The following MANBA variants were observed in gnomAD, a reference collection of about 807,000 sequenced individuals.
The protein encoded by MANBA is beta-mannosidase.
Under a neutral mutation model 111.1 loss-of-function variants are expected in MANBA, and 83 were observed. The observed-to-expected ratio is 0.75, with a 90% CI of 0.63 to 0.90. The LOEUF is 0.90. Ranked by LOEUF, MANBA falls within the 40% of genes least tolerant of loss-of-function variation. The pLI is 0.00. For synonymous variants in MANBA, 370 were observed against 378.7 expected, an observed-to-expected ratio of 0.98 and a Z score of 0.27; for missense variants, 1,036 against 1,069.0, an observed-to-expected ratio of 0.97 and a Z score of 0.43.
intron 7 of MANBA, among the ~76,000 whole-genome samples, chr4:102,680,375 A>C (rs1731907252): frequency 6.6e-6 from 1 of 152,236 alleles, no homozygotes; most frequent in Admixed American, 6.5e-5. Flanking sequence ...AACCGCACAC[A>C]GCAGAGAGAA....
At position 102,697,905 on chromosome 4, in the gene MANBA, T is replaced by C. The variant is rs1320411428; in HGVS notation, c.674-7134A>G. Among the ~76,000 whole-genome samples, 3 of 152,008 alleles carry C rather than the reference T, an allele frequency of 2.0e-5. No homozygotes were observed. In the East Asian group the frequency reaches 5.8e-4, roughly 29 times the overall value. On this transcript the variant is annotated intron_variant, in intron 5 of 16. Coordinates refer to ENST00000647097, the MANE Select transcript of MANBA (RefSeq NM_005908.4). ...GGATGGCTGGGTCAAATGGTATTTC[T>C]AGTTCTAGATCCCTGAGGAATCGCC...
intron 3 of MANBA, 122 bp downstream of exon 3, chr4:102,723,740 A>T: frequency 1.6e-6 from 1 of 642,326 alleles, no homozygotes; most frequent in East Asian, 2.8e-5. Context: ...TAACTCATCC[A>T]GTGCTTTAAT....
chr4:102,631,978 C>T lies in MANBA; in HGVS notation c.*79G>A. 1 of 1,231,742 alleles carries T rather than the reference C, an allele frequency of 8.1e-7. No individual in the cohort carries two copies. Among genetic ancestry groups the T allele is most frequent in the Non-Finnish European group, 1.2e-6 (1 of 838,078 alleles). 76.3% of individuals were successfully genotyped at this position (1,231,742 alleles called of 1,614,324 possible). A position where few individuals can be genotyped will look rare whatever the true frequency, so the allele number is the denominator to read the frequency against. ...CATGTCTCTCGGCTTCTCTCCTTGT[C>T]TCTGTTGCCTTCCTCTCCAGTCGGT... On this transcript the variant is annotated 3_prime_UTR_variant, in exon 17 of 17. Transcript: ENST00000647097.
Position 102,639,873 on chromosome 4 carries a change from A to G in MANBA, c.1870-16T>C, listed in dbSNP as rs767591790. 2.5e-6 allele frequency: 4 copies of G among 1,613,810 alleles called. No individual in the cohort carries two copies. The highest frequency in any genetic ancestry group is 2.2e-5 in the East Asian group (1 of 44,882). Reference sequence around the variant, plus strand: ...CCTGCATCACCTGATTCAGGAAAACATTCATACACAGGTGTTATTGTTTGA... The same window carrying G: ...CCTGCATCACCTGATTCAGGAAAACGTTCATACACAGGTGTTATTGTTTGA... On this transcript the variant is annotated splice_polypyrimidine_tract_variant and intron_variant, in intron 13 of 16. Coordinates refer to ENST00000647097, the MANE Select transcript of MANBA (RefSeq NM_005908.4).
At chr4:102,644,880 T>A (rs1413807033) in intron 13 of MANBA, among the ~76,000 whole-genome samples, 2 of 151,994 alleles carry the variant, frequency 1.3e-5, no homozygotes, top group Non-Finnish European at 2.9e-5. Context: ...AAATATATAT[T>A]TTTAATTTAT....
chr4:102,690,723 A>T lies in MANBA; in HGVS notation c.722T>A (p.Val241Asp). Residue 241 changes from valine to aspartate, a missense_variant, in exon 6 of 17, where the codon GTT (valine) becomes GAT (aspartate). Physicochemically the swap from Val to Asp is radical, Grantham distance 152 (BLOSUM62 -3). Coordinates refer to ENST00000647097, the MANE Select transcript of MANBA (RefSeq NM_005908.4). ...ACCACCAACTGGCTTTGAGCTGACA[A>T]CATCAAATGTAGACTCTATTTCCAG... ...WNLEIESTFD[V>D]VSSKPVGGQV... 6.2e-7 allele frequency: 1 copy of T among 1,604,368 alleles called. No individual in the cohort carries two copies. Among genetic ancestry groups the T allele is most frequent in the Non-Finnish European group, 8.5e-7 (1 of 1,173,894 alleles).
chr4:102,748,652 T>C (rs1035704135), intron 1 of MANBA, among the ~76,000 whole-genome samples: 1 of 152,196 alleles, frequency 6.6e-6, no homozygotes, highest in Non-Finnish European at 1.5e-5. Context: ...AGGTGGCTCA[T>C]GCCTGTAATC....
chr4:102,715,792 C>A (rs1192464485), intron 4 of MANBA, among the ~76,000 whole-genome samples: 2 of 152,084 alleles, frequency 1.3e-5, no homozygotes, highest in Non-Finnish European at 2.9e-5. Flanking sequence ...TCCAATATAT[C>A]CAATATATCT....
At chr4:102,668,447 G>C (rs1196330592) in intron 10 of MANBA, 1 of 163,194 alleles carries the variant, frequency 6.1e-6, no homozygotes, top group African/African-American at 2.4e-5. Flanking sequence ...CTTTTCAGTA[G>C]GCAGAGAAAG....
At chr4:102,671,928 CAG>C (rs1731516555) in intron 8 of MANBA, 3 of 410,846 alleles carry the variant, frequency 7.3e-6, no homozygotes. Context: ...CCTCCATTCC[CAG>C]AACAGTGCTC....
chr4:102,656,310 T>C (rs1015722378), intron 12 of MANBA, among the ~76,000 whole-genome samples: 1 of 151,530 alleles, frequency 6.6e-6, no homozygotes, highest in Non-Finnish European at 1.5e-5. Flanking sequence ...AAGGAAGATA[T>C]ACAAATGGCC....
chr4:102,749,211 A>T (rs774721344), intron 1 of MANBA, among the ~76,000 whole-genome samples: 5 of 152,166 alleles, frequency 3.3e-5, no homozygotes, highest in Non-Finnish European at 7.3e-5. Flanking sequence ...GGGTTGGGAG[A>T]ATTGAGAGAA....
intron 1 of MANBA, among the ~76,000 whole-genome samples, chr4:102,749,282 C>G (rs1407039405): frequency 6.6e-6 from 1 of 152,152 alleles, no homozygotes; most frequent in Non-Finnish European, 1.5e-5. Flanking sequence ...GAGAGTTGAA[C>G]AGAATTTCTA....
At chr4:102,705,523 A>G (rs1733257487) in intron 5 of MANBA, among the ~76,000 whole-genome samples, 1 of 152,000 alleles carries the variant, frequency 6.6e-6, no homozygotes, top group South Asian at 2.1e-4. Context: ...TGCACATTTC[A>G]AAACACCCTG....
At position 102,661,419 on chromosome 4, in the gene MANBA, G is replaced by A. The variant is rs546169399; in HGVS notation, c.1485+3266C>T. Reference sequence around the variant, plus strand: ...AGATAAGAGTGTCCCCCACAGCATCGGGAATGAGGCTTTGCTCTTGGCAAT... The same window carrying A: ...AGATAAGAGTGTCCCCCACAGCATCAGGAATGAGGCTTTGCTCTTGGCAAT... On this transcript the variant is annotated intron_variant, in intron 11 of 16. Coordinates refer to ENST00000647097, the MANE Select transcript of MANBA (RefSeq NM_005908.4). 9.2e-5 allele frequency among the ~76,000 whole-genome samples: 14 copies of A among 152,278 alleles called. No individual in the cohort carries two copies. The East Asian group carries it at 9.6e-4, about 10-fold the overall frequency.
chr4:102,756,235 C>A (rs1317906430), intron 1 of MANBA, among the ~76,000 whole-genome samples: 1 of 152,150 alleles, frequency 6.6e-6, no homozygotes, highest in Admixed American at 6.5e-5. Context: ...AAATGTCCAA[C>A]AATGATAGAC....
intron 12 of MANBA, among the ~76,000 whole-genome samples, chr4:102,657,222 T>TGGGGGGG (rs1553944231): frequency 7.7e-5 from 4 of 52,198 alleles, no homozygotes; most frequent in South Asian, 7.9e-4. Context: ...AGGAGTGGGG[T>TGGGGGGG]GGGGGGGGGG....
At chr4:102,636,592 C>T (rs565004917) in intron 14 of MANBA, among the ~76,000 whole-genome samples, 85 of 152,282 alleles carry the variant, frequency 5.6e-4, no homozygotes, top group African/African-American at 1.8e-3. Context: ...AATACCTCCC[C>T]TACTGCACGC....
chr4:102,733,727 T>G (rs1723110655), intron 1 of MANBA, among the ~76,000 whole-genome samples: 1 of 152,224 alleles, frequency 6.6e-6, no homozygotes. Flanking sequence ...CAATCAGTTT[T>G]TTTCCTACTG....
Sources: gnomAD v4.1 joint callset for allele counts (sites outside exome capture counted in the v4.1 genomes callset) on GRCh38, gnomAD v4.1.1 for gene constraint, MANE v1.5 for transcripts, NCBI Gene and HGNC (gene_info 2026-07-23, HGNC 2026-07-21) for gene names.